PLEKHA5: variants seen among roughly 807,000 people sequenced by gnomAD.
The protein encoded by PLEKHA5 is pleckstrin homology domain-containing family A member 5.
In PLEKHA5, 55 loss-of-function variants were observed where a neutral mutation model predicts 181.9. That is an observed-to-expected ratio of 0.30 (90% CI 0.24 to 0.38). The LOEUF is 0.38. PLEKHA5 is among the 10% of genes least tolerant of loss of function. The pLI, the probability that PLEKHA5 is intolerant of heterozygous loss-of-function variation, is 1.00. For synonymous variants in PLEKHA5, 535 were observed against 529.4 expected, an observed-to-expected ratio of 1.01 and a Z score of -0.15; for missense variants, 1,432 against 1,549.5, an observed-to-expected ratio of 0.92 and a Z score of 1.27.
chr12:19,313,328 T>C (rs868106825), intron 15 of PLEKHA5, among the ~76,000 whole-genome samples: 1 of 152,164 alleles, frequency 6.6e-6, no homozygotes, highest in South Asian at 2.1e-4. Flanking sequence ...TGAGCCATGA[T>C]AGGGCCACTG....
intron 3 of PLEKHA5, among the ~76,000 whole-genome samples, chr12:19,213,126 C>G (rs1031941270): frequency 6.6e-6 from 1 of 152,072 alleles, no homozygotes; most frequent in Non-Finnish European, 1.5e-5. Flanking sequence ...GGTGACTGAT[C>G]CCTTTGGAGC....
chr12:19,221,058 G>A (rs2058858623), intron 3 of PLEKHA5, among the ~76,000 whole-genome samples: 1 of 152,124 alleles, frequency 6.6e-6, no homozygotes, highest in African/African-American at 2.4e-5. Flanking sequence ...CATTGTGGTT[G>A]GAATGCAAAA....
intron 21 of PLEKHA5, among the ~76,000 whole-genome samples, chr12:19,342,378 C>G (rs1399043054): frequency 1.3e-5 from 2 of 151,926 alleles, no homozygotes; most frequent in African/African-American, 4.8e-5. Flanking sequence ...GAAAATTGGC[C>G]GGGCGCGGTG....
chr12:19,181,668 C>T (rs140492202), intron 3 of PLEKHA5, among the ~76,000 whole-genome samples: 9 of 152,056 alleles, frequency 5.9e-5, no homozygotes, highest in African/African-American at 1.9e-4. Context: ...CCCAGCTGCT[C>T]GGGAGGCTGA....
At chr12:19,200,195 A>G in intron 3 of PLEKHA5, 1 of 642,188 alleles carries the variant, frequency 1.6e-6, no homozygotes, top group South Asian at 2.0e-5. Context: ...AAATAACCTA[A>G]CTTGATCATT....
chr12:19,137,115 G>A (rs554499643), intron 3 of PLEKHA5, among the ~76,000 whole-genome samples: 15 of 151,496 alleles, frequency 9.9e-5, no homozygotes, highest in Non-Finnish European at 1.9e-4. Flanking sequence ...CTCACGCAAC[G>A]TCCACCTCCC....
chr12:19,207,415 A>G (rs1437387753), intron 3 of PLEKHA5: 1 of 152,174 alleles, frequency 6.6e-6, no homozygotes, highest in South Asian at 2.1e-4. Flanking sequence ...TGTCTTTGCC[A>G]GGTTTCTAGA....
chr12:19,361,093 G>A (rs1478792846), intron 28 of PLEKHA5, among the ~76,000 whole-genome samples: 1 of 151,866 alleles, frequency 6.6e-6, no homozygotes, highest in East Asian at 1.9e-4. Context: ...TTGCATCCTA[G>A]TAGTAAAGAA....
At chr12:19,337,849 T>C (rs1363139580) in intron 21 of PLEKHA5, among the ~76,000 whole-genome samples, 2 of 151,462 alleles carry the variant, frequency 1.3e-5, no homozygotes, top group African/African-American at 2.4e-5. Context: ...CTGGCCAAGA[T>C]TGTGAAAGCC....
chr12:19,285,531 C>T (rs568140449), intron 12 of PLEKHA5, among the ~76,000 whole-genome samples: 4 of 152,242 alleles, frequency 2.6e-5, no homozygotes, highest in African/African-American at 9.6e-5. Context: ...ATGACCGTTT[C>T]AGGGAGTCAA....
chr12:19,309,984 TTTAAC>T (rs1241006827), intron 15 of PLEKHA5, among the ~76,000 whole-genome samples: 1 of 152,170 alleles, frequency 6.6e-6, no homozygotes, highest in Non-Finnish European at 1.5e-5. Flanking sequence ...AATAAAACCC[TTTAAC>T]TTAAAAAGAA....
intron 3 of PLEKHA5, chr12:19,152,728 A>G (rs2040724387): frequency 6.6e-6 from 1 of 152,202 alleles, no homozygotes; most frequent in Admixed American, 6.5e-5. Flanking sequence ...ATGAATAAGC[A>G]CTGCACATGA....
At chr12:19,296,086 T>C (rs2079696604) in intron 15 of PLEKHA5, among the ~76,000 whole-genome samples, 1 of 149,838 alleles carries the variant, frequency 6.7e-6, no homozygotes, top group East Asian at 2.0e-4. Flanking sequence ...ACACAAAAAT[T>C]AGCCAGGCAT....
rs949452200 is a variant in PLEKHA5, at chr12:19,347,069, C to A, written c.2785C>A (p.Pro929Thr). ...DFTEQPPIIPPLPSDSSSLLC... is the reference protein window; with the variant it reads ...DFTEQPPIIPTLPSDSSSLLC... Reference sequence around the variant, plus strand: ...TACAGAGCAGCCTCCCATAATCCCCCCTCTGCCCAGTGATAGCAGCTCCTT... The same window carrying A: ...TACAGAGCAGCCTCCCATAATCCCCACTCTGCCCAGTGATAGCAGCTCCTT... The change falls in exon 24 of 32, where the codon CCT becomes ACT. Residue 929 changes from proline (P) to threonine (T), a missense_variant. Pro to Thr is a conservative substitution (Grantham distance 38, BLOSUM62 -1). Coordinates refer to ENST00000429027, the MANE Select transcript of PLEKHA5 (RefSeq NM_001256470.2). 3.9e-6 allele frequency: 6 copies of A among 1,551,518 alleles called. No individual in the cohort carries two copies. The highest frequency in any genetic ancestry group is 3.9e-5 in the Admixed American group (2 of 50,982).
intron 3 of PLEKHA5, among the ~76,000 whole-genome samples, chr12:19,252,783 A>G (rs947476302): frequency 2.0e-5 from 3 of 152,064 alleles, no homozygotes; most frequent in Non-Finnish European, 2.9e-5. Context: ...CATTATCTAT[A>G]TAAAGGTTAT....
At chr12:19,177,554 C>A (rs985037363) in intron 3 of PLEKHA5, among the ~76,000 whole-genome samples, 8 of 152,192 alleles carry the variant, frequency 5.3e-5, no homozygotes, top group African/African-American at 1.9e-4. Context: ...ACATCTAATA[C>A]ACCCACAGTG....
intron 3 of PLEKHA5, among the ~76,000 whole-genome samples, chr12:19,223,246 A>G (rs111478504): frequency 1.1e-3 from 169 of 152,230 alleles, no homozygotes; most frequent in Non-Finnish European, 2.1e-3. Context: ...AAACAATATC[A>G]TAATTGCCAC....
chr12:19,275,096 T>C (rs973496271), intron 11 of PLEKHA5, 113 bp downstream of exon 11: 11 of 654,868 alleles, frequency 1.7e-5, no homozygotes, highest in African/African-American at 1.1e-4. Flanking sequence ...TTAGCTGTTA[T>C]AGCTTCATTA....
At chr12:19,370,307 T>C (rs975869185) in intron 31 of PLEKHA5, among the ~76,000 whole-genome samples, 1 of 152,228 alleles carries the variant, frequency 6.6e-6, no homozygotes, top group Non-Finnish European at 1.5e-5. Flanking sequence ...AATTGAATTC[T>C]ATTAAGTCAG....
Sources: allele counts gnomAD v4.1 joint callset (sites outside exome capture counted in the v4.1 genomes callset), GRCh38; gene constraint gnomAD v4.1.1; transcripts MANE v1.5; gene names NCBI Gene and HGNC (gene_info 2026-07-23, HGNC 2026-07-21).